EIPR1: variants seen among roughly 807,000 people sequenced by gnomAD.
EIPR1 encodes the protein EARP complex and GARP complex interacting protein 1.
A neutral mutation model predicts 48.1 loss-of-function variants in EIPR1; 25 were observed. That is an observed-to-expected ratio of 0.52 (90% CI 0.38 to 0.73). The LOEUF (loss-of-function observed/expected upper bound fraction) is 0.73. Ranked by LOEUF, EIPR1 falls within the 30% of genes least tolerant of loss-of-function variation. EIPR1 has a pLI of 0.00. For missense variants in EIPR1, 415 were observed against 506.2 expected, an observed-to-expected ratio of 0.82 and a Z score of 1.73; for synonymous variants, 204 against 201.9, an observed-to-expected ratio of 1.01 and a Z score of -0.09.
intron 3 of EIPR1, among the ~76,000 whole-genome samples, chr2:3,269,928 A>T (rs1667653901): frequency 6.6e-6 from 1 of 152,000 alleles, no homozygotes; most frequent in Non-Finnish European, 1.5e-5. Context: ...TCAGCTTGGG[A>T]GCACCAGCCC....
At chr2:3,358,876 G>A (rs531852182) in intron 1 of EIPR1, among the ~76,000 whole-genome samples, 113 of 152,250 alleles carry the variant, frequency 7.4e-4, no homozygotes, top group African/African-American at 2.5e-3. Flanking sequence ...CACCCTAGAC[G>A]TTAAAAAGCC....
At chr2:3,299,493 T>C (rs879781242) in intron 3 of EIPR1, among the ~76,000 whole-genome samples, 3 of 152,152 alleles carry the variant, frequency 2.0e-5, no homozygotes, top group African/African-American at 2.4e-5. Context: ...AGAGAGTCCT[T>C]GGATTAGATT....
At chr2:3,311,000 A>C (rs1266255484) in intron 3 of EIPR1, among the ~76,000 whole-genome samples, 1 of 152,180 alleles carries the variant, frequency 6.6e-6, no homozygotes, top group African/African-American at 2.4e-5. Flanking sequence ...CGAGCAAACC[A>C]ATGTCTCTGA....
At chr2:3,215,027 G>A (rs1032404644) in intron 4 of EIPR1, among the ~76,000 whole-genome samples, 1 of 152,208 alleles carries the variant, frequency 6.6e-6, no homozygotes, top group Non-Finnish European at 1.5e-5. Context: ...GCCCTCACCA[G>A]GAAATGAATC....
intron 3 of EIPR1, among the ~76,000 whole-genome samples, chr2:3,306,826 C>T (rs948217373): frequency 2.0e-5 from 3 of 152,020 alleles, no homozygotes; most frequent in Non-Finnish European, 2.9e-5. Flanking sequence ...GTAAGTGGAC[C>T]CCCCCAGTCC....
chr2:3,266,444 G>A (rs1409914955), intron 3 of EIPR1, among the ~76,000 whole-genome samples: 2 of 152,206 alleles, frequency 1.3e-5, no homozygotes, highest in Admixed American at 1.3e-4. Flanking sequence ...CTTCCTCGAT[G>A]GCCTTTTAAA....
intron 4 of EIPR1, among the ~76,000 whole-genome samples, chr2:3,219,845 T>C (rs1253064685): frequency 6.6e-6 from 1 of 152,162 alleles, no homozygotes. Context: ...ATGCACATGA[T>C]GGCCCCAGTA....
At chr2:3,210,693 G>C (rs1449113155) in intron 5 of EIPR1, among the ~76,000 whole-genome samples, 1 of 146,664 alleles carries the variant, frequency 6.8e-6, no homozygotes. Context: ...GCAGTGGCGT[G>C]ATCTTGGCTC....
intron 3 of EIPR1, among the ~76,000 whole-genome samples, chr2:3,337,137 A>T (rs1278541091): frequency 6.6e-6 from 1 of 151,390 alleles, no homozygotes; most frequent in Non-Finnish European, 1.5e-5. Flanking sequence ...GGAAGGGAAC[A>T]GGGAAGGGAA....
At chr2:3,296,487 C>A (rs1453577219) in intron 3 of EIPR1, among the ~76,000 whole-genome samples, 1 of 148,218 alleles carries the variant, frequency 6.7e-6, no homozygotes, top group Non-Finnish European at 1.5e-5. Context: ...CCAACCCATC[C>A]TCTCCACACA....
chr2:3,193,002 C>T (rs1356065625), intron 7 of EIPR1, among the ~76,000 whole-genome samples: 5 of 152,242 alleles, frequency 3.3e-5, no homozygotes, highest in African/African-American at 7.2e-5. Flanking sequence ...GGCGGCCTCC[C>T]GGGGCACAAG....
At chr2:3,279,155 A>C (rs1321909919) in intron 3 of EIPR1, among the ~76,000 whole-genome samples, 1 of 152,138 alleles carries the variant, frequency 6.6e-6, no homozygotes, top group Non-Finnish European at 1.5e-5. Context: ...AATCAGCATT[A>C]TACACCTCGC....
intron 3 of EIPR1, among the ~76,000 whole-genome samples, chr2:3,331,151 T>C (rs186133010): frequency 9.9e-5 from 11 of 111,544 alleles, no homozygotes; most frequent in South Asian, 8.7e-4. Flanking sequence ...GTGTGCACAC[T>C]CATGAGATGG....
At chr2:3,348,888 G>T (rs35173581) in intron 2 of EIPR1, among the ~76,000 whole-genome samples, 10,243 of 152,274 alleles carry the variant, frequency 0.067, 359 homozygotes, top group African/African-American at 0.078. Flanking sequence ...GAAGGCAGGG[G>T]CAGGGCTGCA....
chr2:3,369,385 A>G (rs1348492982), intron 1 of EIPR1, among the ~76,000 whole-genome samples: 3 of 152,158 alleles, frequency 2.0e-5, no homozygotes, highest in African/African-American at 7.2e-5. Flanking sequence ...CAGTGGGCGC[A>G]GGTCAGTGGG....
At chr2:3,204,690 T>C (rs1665167157) in intron 5 of EIPR1, among the ~76,000 whole-genome samples, 1 of 152,178 alleles carries the variant, frequency 6.6e-6, no homozygotes, top group Admixed American at 6.5e-5. Flanking sequence ...TAGCAGTTCA[T>C]GTGGAGCATA....
At chr2:3,198,471 G>T (rs2103111030) in intron 5 of EIPR1, among the ~76,000 whole-genome samples, 1 of 152,332 alleles carries the variant, frequency 6.6e-6, no homozygotes, top group South Asian at 2.1e-4. Flanking sequence ...CCGAAAGCCT[G>T]CTCTGATGCT....
At chr2:3,290,205 G>A (rs1480102744) in intron 3 of EIPR1, among the ~76,000 whole-genome samples, 2 of 152,194 alleles carry the variant, frequency 1.3e-5, no homozygotes, top group Non-Finnish European at 2.9e-5. Context: ...GGCTCGTCTC[G>A]CTCACCCGGA....
At chr2:3,311,265 T>A (rs1317570150) in intron 3 of EIPR1, among the ~76,000 whole-genome samples, 2 of 152,184 alleles carry the variant, frequency 1.3e-5, no homozygotes, top group African/African-American at 4.8e-5. Flanking sequence ...TTGGTCCTGT[T>A]ACACACTCTC....
Sources: gnomAD v4.1 joint callset for allele counts (sites outside exome capture counted in the v4.1 genomes callset) on GRCh38, gnomAD v4.1.1 for gene constraint, MANE v1.5 for transcripts, NCBI Gene and HGNC (gene_info 2026-07-23, HGNC 2026-07-21) for gene names.